KIF16B: variants seen among roughly 807,000 people sequenced by gnomAD.
KIF16B encodes kinesin family member 16B.
A neutral mutation model predicts 156.3 loss-of-function variants in KIF16B; 98 were observed. That is an observed-to-expected ratio of 0.63 (90% confidence interval 0.53 to 0.74). The LOEUF (loss-of-function observed/expected upper bound fraction) is 0.74. Ranked by LOEUF, KIF16B falls within the 30% of genes least tolerant of loss-of-function variation. The pLI, the probability that KIF16B is intolerant of heterozygous loss-of-function variation, is 0.00. For synonymous variants in KIF16B, 564 were observed against 583.7 expected, an observed-to-expected ratio of 0.97 and a Z score of 0.49; for missense variants, 1,421 against 1,606.5, an observed-to-expected ratio of 0.88 and a Z score of 1.97.
At chr20:16,504,616 G>A (rs1206095218) in intron 9 of KIF16B, 69 bp from the exon 10 acceptor site, 2 of 1,440,146 alleles carry the variant, frequency 1.4e-6, no homozygotes, top group East Asian at 4.6e-5. Context: ...AAGTTGGTTT[G>A]TAATTTAAAA....
intron 3 of KIF16B, among the ~76,000 whole-genome samples, chr20:16,523,195 C>T (rs544667407): frequency 3.9e-5 from 6 of 152,172 alleles, no homozygotes; most frequent in African/African-American, 1.4e-4. Flanking sequence ...GCAATCAAGG[C>T]AAGAGAAAGA....
At chr20:16,398,692 T>TG (rs1352738003) in intron 17 of KIF16B, among the ~76,000 whole-genome samples, 1 of 152,052 alleles carries the variant, frequency 6.6e-6, no homozygotes, top group Admixed American at 6.6e-5. Flanking sequence ...TTGCTGAAGG[T>TG]GGGGGCAACA....
rs754266193 is a variant in KIF16B, at chr20:16,428,990, G to A, written c.1437C>T (p.Tyr479=). Residue 479 remains tyrosine, a synonymous_variant, in exon 14 of 26, where the codon TAC becomes TAT. Transcript: ENST00000354981. ...ILYHLKEGQT[Y]VGRDDASTEQ... is the part of the protein sequence containing the mutation. ...CCGTGGAAGCATCGTCTCTACCAAC[G>A]TATGTCTGACCTTCCTGGGAAGAAA... is the stretch of plus-strand genomic sequence containing the variant. The A allele has an allele frequency of 8.1e-6, 13 of 1,612,756 alleles. No homozygotes were observed. The highest frequency in any genetic ancestry group is 1.1e-5 in the South Asian group (1 of 91,038).
chr20:16,280,841 C>CGCGCGTGTGTGTGTGTGTGTGTGT (rs112026824), intron 25 of KIF16B, among the ~76,000 whole-genome samples: 2 of 74,434 alleles, frequency 2.7e-5, no homozygotes, highest in Non-Finnish European at 5.4e-5. Context: ...TGCGCGCGCA[C>CGCGCGTGTGTGTGTGTGTGTGTGT]GTGTGTGTGT....
chr20:16,363,199 GGAT>G (rs1313469507), intron 22 of KIF16B, among the ~76,000 whole-genome samples: 1 of 152,164 alleles, frequency 6.6e-6, no homozygotes, highest in African/African-American at 2.4e-5. Flanking sequence ...AGGGTGCCAC[GGAT>G]GAACAGACTC....
intron 25 of KIF16B, among the ~76,000 whole-genome samples, chr20:16,301,182 T>C (rs1356794608): frequency 1.3e-5 from 2 of 152,240 alleles, no homozygotes; most frequent in Non-Finnish European, 2.9e-5. Context: ...TTCTTTTTAG[T>C]GCTACATAAC....
intron 17 of KIF16B, among the ~76,000 whole-genome samples, chr20:16,389,096 T>C (rs531830166): frequency 6.6e-6 from 1 of 152,254 alleles, no homozygotes; most frequent in African/African-American, 2.4e-5. Flanking sequence ...GATATTACTC[T>C]ATTATCTCAG....
At chr20:16,565,949 G>C (rs2071237875) in intron 1 of KIF16B, among the ~76,000 whole-genome samples, 1 of 152,244 alleles carries the variant, frequency 6.6e-6, no homozygotes, top group Non-Finnish European at 1.5e-5. Context: ...GCAGGATATA[G>C]AAGTGTGTAC....
chr20:16,316,472 T>A (rs1684824958), intron 24 of KIF16B, among the ~76,000 whole-genome samples: 1 of 152,166 alleles, frequency 6.6e-6, no homozygotes, highest in African/African-American at 2.4e-5. Flanking sequence ...TAGAGTCACA[T>A]TCCTAAGTCC....
rs750580323 is a variant in KIF16B, at chr20:16,511,538, A to T, written c.447-11T>A. The stretch of plus-strand genomic sequence containing the variant: ...TAAATTTCTAAGTAGCTAAAAATTT[A>T]AAATAAAATTGAATTCAGAAAAATG... On this transcript the variant is annotated splice_polypyrimidine_tract_variant and intron_variant, in intron 5 of 25. Transcript: ENST00000354981. 26 of 1,536,018 alleles carry T rather than the reference A, an allele frequency of 1.7e-5. No homozygotes were observed. The highest frequency in any genetic ancestry group is 2.3e-5 in the Non-Finnish European group (26 of 1,115,100).
intron 2 of KIF16B, among the ~76,000 whole-genome samples, chr20:16,527,436 C>G (rs756259531): frequency 1.3e-5 from 2 of 152,202 alleles, no homozygotes; most frequent in Non-Finnish European, 2.9e-5. Flanking sequence ...GAAATCTCCA[C>G]AGATGTGAAC....
Position 16,368,020 on chromosome 20 carries a change from A to G in KIF16B, c.3498+2566T>C. The G allele has an allele frequency of 2.1e-6, 3 of 1,414,220 alleles. No individual in the cohort carries two copies. The South Asian group carries it at 4.6e-5, about 22-fold the overall frequency. 87.6% of individuals were successfully genotyped at this position (1,414,220 alleles called of 1,614,324 possible). ...AGCATATAAAGTTGACTGAAGCAGG[A>G]GCAAACACGCTGGTTGAGGGTCAGG... is the stretch of plus-strand genomic sequence containing the variant. On this transcript the variant is annotated intron_variant, in intron 22 of 25. Transcript: ENST00000354981.
At chr20:16,455,531 A>G (rs746958739) in intron 12 of KIF16B, among the ~76,000 whole-genome samples, 54 of 152,178 alleles carry the variant, frequency 3.5e-4, no homozygotes, top group Non-Finnish European at 6.2e-4. Flanking sequence ...GCAACTTCCT[A>G]TGAAATCATT....
intron 12 of KIF16B, among the ~76,000 whole-genome samples, chr20:16,448,600 A>T (rs2066997040): frequency 6.6e-6 from 1 of 152,158 alleles, no homozygotes; most frequent in Non-Finnish European, 1.5e-5. Flanking sequence ...AGCAAAACAA[A>T]CAACAAGCAA....
intron 15 of KIF16B, among the ~76,000 whole-genome samples, chr20:16,417,475 G>A (rs1275104101): frequency 6.6e-6 from 1 of 152,074 alleles, no homozygotes; most frequent in African/African-American, 2.4e-5. Context: ...TTTCCCATAG[G>A]ATTTAAACAA....
chr20:16,381,813 G>T, intron 17 of KIF16B, 66 bp from the exon 18 acceptor site: 1 of 1,278,516 alleles, frequency 7.8e-7, no homozygotes, highest in Non-Finnish European at 1.1e-6. Context: ...CTCACTCTCT[G>T]TATACAGAGT....
chr20:16,516,052 T>C (rs889425964), intron 3 of KIF16B, among the ~76,000 whole-genome samples: 2 of 152,136 alleles, frequency 1.3e-5, no homozygotes, highest in African/African-American at 4.8e-5. Context: ...AACAAAATAC[T>C]CAAAACCTGA....
intron 17 of KIF16B, among the ~76,000 whole-genome samples, chr20:16,397,916 C>T (rs781196192): frequency 1.3e-5 from 2 of 152,254 alleles, no homozygotes; most frequent in Non-Finnish European, 2.9e-5. Flanking sequence ...TGGCCAAAAC[C>T]TACAGCTCAA....
At chr20:16,389,727 A>G (rs978031654) in intron 17 of KIF16B, among the ~76,000 whole-genome samples, 1 of 152,188 alleles carries the variant, frequency 6.6e-6, no homozygotes, top group African/African-American at 2.4e-5. Context: ...TGAACCTAAC[A>G]TTCTAGATGT....
Sources: gnomAD v4.1 joint callset for allele counts (sites outside exome capture counted in the v4.1 genomes callset) on GRCh38, gnomAD v4.1.1 for gene constraint, MANE v1.5 for transcripts, NCBI Gene and HGNC (gene_info 2026-07-23, HGNC 2026-07-21) for gene names.